RCAN2: variants seen among roughly 807,000 people sequenced by gnomAD.
RCAN2 encodes the protein calcipressin-2.
In RCAN2, 9 loss-of-function variants were observed where a neutral mutation model predicts 23.6. That is an observed-to-expected ratio of 0.38 (90% CI 0.23 to 0.67). The LOEUF (loss-of-function observed/expected upper bound fraction) is 0.67, where lower values mean the gene tolerates loss of function less well. Among genes scored for constraint, RCAN2 ranks in the 30% least tolerant of loss-of-function variants. The pLI, the probability that RCAN2 is intolerant of heterozygous loss-of-function variation, is 0.51. For synonymous variants in RCAN2, 109 were observed against 115.7 expected, an observed-to-expected ratio of 0.94 and a Z score of 0.37; for missense variants, 273 against 302.3, an observed-to-expected ratio of 0.90 and a Z score of 0.72.
chr6:46,349,410 A>T (rs1227828391), intron 2 of RCAN2, among the ~76,000 whole-genome samples: 1 of 152,120 alleles, frequency 6.6e-6, no homozygotes, highest in Non-Finnish European at 1.5e-5. Flanking sequence ...CTGTTGCAGG[A>T]GTTGGGAGGG....
At chr6:46,338,785 G>C (rs1209365212) in intron 2 of RCAN2, among the ~76,000 whole-genome samples, 4 of 152,010 alleles carry the variant, frequency 2.6e-5, no homozygotes, top group Non-Finnish European at 5.9e-5. Context: ...GGCCAAGGTG[G>C]GTGGATCACT....
chr6:46,488,681 T>A (rs1769059397), intron 1 of RCAN2, among the ~76,000 whole-genome samples: 1 of 152,208 alleles, frequency 6.6e-6, no homozygotes, highest in Admixed American at 6.5e-5. Context: ...AAATTCTCCA[T>A]CTTTCTCAAG....
chr6:46,397,304 GCTCTCTATT>G (rs1361496492), intron 2 of RCAN2, among the ~76,000 whole-genome samples: 19 of 151,580 alleles, frequency 1.3e-4, no homozygotes, highest in African/African-American at 4.4e-4. Flanking sequence ...GTGATAAACA[GCTCTCTATT>G]GTGTCTGTTG....
intron 4 of RCAN2, among the ~76,000 whole-genome samples, chr6:46,239,472 C>T (rs148126390): frequency 2.2e-3 from 338 of 152,344 alleles, no homozygotes; most frequent in African/African-American, 7.7e-3. Flanking sequence ...CGCCTTACTA[C>T]TTCCTAGATT....
chr6:46,342,052 A>G (rs4714927), intron 2 of RCAN2, among the ~76,000 whole-genome samples: 2 of 151,910 alleles, frequency 1.3e-5, no homozygotes, highest in African/African-American at 4.8e-5. Flanking sequence ...CTTTGGAAAT[A>G]CTGGAGCTTT....
In RCAN2 at chr6:46,426,662, C is replaced by G. The variant is rs1008142390; in HGVS notation, c.225+30090G>C. On this transcript the variant is annotated intron_variant, in intron 2 of 4. Coordinates refer to ENST00000371374, the MANE Select transcript of RCAN2 (RefSeq NM_001251974.2). ...CATGATACAAAACAGATCTAGCATA[C>G]AAGAAGGGGAAATAAAACATAAATT... is the stretch of plus-strand genomic sequence containing the variant. Among the ~76,000 whole-genome samples the G allele has an allele frequency of 1.9e-4, 29 of 151,986 alleles. 1 individual carries two copies. The highest frequency in any genetic ancestry group is 3.2e-3 in the Middle Eastern group (1 of 314).
rs573373426 is a variant in RCAN2 at position 46,221,383 on chromosome 6, T to C, written c.*1758A>G. 1.3e-5 allele frequency: 2 copies of C among 152,622 alleles called. No homozygotes were observed. The highest frequency in any genetic ancestry group is 2.9e-5 in the Non-Finnish European group (2 of 68,046). The allele number at this position is 152,622 out of a possible 1,614,324, so 9.5% of individuals were successfully genotyped here. On this transcript the variant is annotated 3_prime_UTR_variant, in exon 5 of 5. Coordinates refer to ENST00000371374, the MANE Select transcript of RCAN2 (RefSeq NM_001251974.2). ...CTATTTCTTCCACTAGAGGACACCA[T>C]TTCTCCACTACTAAGTCTGTAGTCG... is the stretch of plus-strand genomic sequence containing the variant.
At chr6:46,292,830 G>A (rs564184594) in intron 2 of RCAN2, among the ~76,000 whole-genome samples, 8 of 151,968 alleles carry the variant, frequency 5.3e-5, no homozygotes, top group Non-Finnish European at 8.8e-5. Context: ...ACATCAACCC[G>A]TCATCTACAT....
At chr6:46,344,255 C>A (rs990082097) in intron 2 of RCAN2, among the ~76,000 whole-genome samples, 9 of 152,078 alleles carry the variant, frequency 5.9e-5, no homozygotes, top group Non-Finnish European at 1.2e-4. Flanking sequence ...AAATGAAAAT[C>A]ATTTTCAACA....
intron 2 of RCAN2, among the ~76,000 whole-genome samples, chr6:46,313,671 GC>G (rs1481074055): frequency 2.0e-5 from 3 of 152,138 alleles, no homozygotes; most frequent in Non-Finnish European, 2.9e-5. Context: ...GTAAAAATGT[GC>G]AAACTTGTAT....
At position 46,465,436 on chromosome 6, in the gene RCAN2, G is replaced by C. The variant is rs1053115899; in HGVS notation, c.-2-8458C>G. ...AAGGGACTATTTACAGCATGGGCAG[G>C]GTACAGGAAAACCACAACAGATAGT... is the stretch of plus-strand genomic sequence containing the variant. On this transcript the variant is annotated intron_variant, in intron 1 of 4. Coordinates refer to ENST00000371374, the MANE Select transcript of RCAN2 (RefSeq NM_001251974.2). 2.6e-5 allele frequency among the ~76,000 whole-genome samples: 4 copies of C among 152,230 alleles called. No homozygotes were observed. In the Middle Eastern group the frequency reaches 0.01, roughly 388 times the overall value.
At chr6:46,353,164 T>C (rs1764713429) in intron 2 of RCAN2, among the ~76,000 whole-genome samples, 1 of 152,100 alleles carries the variant, frequency 6.6e-6, no homozygotes, top group Admixed American at 6.5e-5. Flanking sequence ...AGTATGGTAA[T>C]GAGGGGAGTT....
intron 2 of RCAN2, among the ~76,000 whole-genome samples, chr6:46,308,876 T>A (rs559594231): frequency 6.6e-6 from 1 of 152,198 alleles, no homozygotes; most frequent in South Asian, 2.1e-4. Flanking sequence ...GAGGGCTCCA[T>A]CACTGGGGGA....
intron 2 of RCAN2, among the ~76,000 whole-genome samples, chr6:46,333,240 A>G (rs1268735836): frequency 6.6e-6 from 1 of 151,952 alleles, no homozygotes; most frequent in Admixed American, 6.6e-5. Flanking sequence ...GTATATGTGT[A>G]TATTATTTTC....
intron 2 of RCAN2, among the ~76,000 whole-genome samples, chr6:46,359,548 T>C (rs1764939804): frequency 6.6e-6 from 1 of 152,208 alleles, no homozygotes; most frequent in Non-Finnish European, 1.5e-5. Context: ...GTGTAGTTAA[T>C]CAAAATCTTT....
chr6:46,465,982 T>C (rs927308321), intron 1 of RCAN2, among the ~76,000 whole-genome samples: 14 of 152,226 alleles, frequency 9.2e-5, no homozygotes, highest in Admixed American at 4.6e-4. Context: ...CACCTCTGAC[T>C]GCATTTTTCT....
intron 2 of RCAN2, chr6:46,438,228 C>G (rs1767428014): frequency 6.6e-6 from 1 of 152,210 alleles, no homozygotes; most frequent in South Asian, 2.1e-4. Flanking sequence ...GACTGTTGTA[C>G]AGGTACAAGG....
rs967793745 is a variant in RCAN2 at position 46,443,330 on chromosome 6, A to G, written c.225+13422T>C. On this transcript the variant is annotated intron_variant, in intron 2 of 4. Transcript: ENST00000371374. ...TTCAGTGATACTTAAACCATAGTGAATTATTATCTTCATATTTAGTCTTTG... is the reference window on the plus strand; with the variant it reads ...TTCAGTGATACTTAAACCATAGTGAGTTATTATCTTCATATTTAGTCTTTG... Among the ~76,000 whole-genome samples the G allele has an allele frequency of 2.0e-5, 3 of 152,054 alleles. No homozygotes were observed. In the East Asian group the frequency reaches 5.8e-4, roughly 29 times the overall value.
rs1767396394 is a variant in RCAN2, at chr6:46,437,161, T to C, written c.225+19591A>G. On this transcript the variant is annotated intron_variant, in intron 2 of 4. Coordinates refer to ENST00000371374, the MANE Select transcript of RCAN2 (RefSeq NM_001251974.2). ...AATAAATTGATCCTATTTGGGTGTA[T>C]GCCCTGAACAGGCAATAGGAAAACG... 2.0e-5 allele frequency among the ~76,000 whole-genome samples: 3 copies of C among 152,254 alleles called. No individual in the cohort carries two copies. In the South Asian group the frequency reaches 6.2e-4, roughly 31 times the overall value.
Sources: gnomAD v4.1 joint callset for allele counts (sites outside exome capture counted in the v4.1 genomes callset) on GRCh38, gnomAD v4.1.1 for gene constraint, MANE v1.5 for transcripts, NCBI Gene and HGNC (gene_info 2026-07-23, HGNC 2026-07-21) for gene names.